TPD52L2: variants seen among roughly 807,000 people sequenced by gnomAD.
TPD52L2 encodes TPD52 like 2.
A neutral mutation model predicts 24.7 loss-of-function variants in TPD52L2; 19 were observed. The ratio of observed to expected loss-of-function variants is 0.77; its 90% CI spans 0.54 to 1.13. The LOEUF is 1.13. TPD52L2 is among the 50% of genes most tolerant of loss of function. The probability of loss-of-function intolerance (pLI) is 0.00; values close to 1 mark genes in which losing one functional copy is unlikely to be tolerated. For synonymous variants in TPD52L2, 104 were observed against 100.2 expected (o/e 1.04, Z -0.23); for missense variants, 236 against 250.4 (o/e 0.94, Z 0.39).
Position 63,890,217 on chromosome 20 carries a change from T to G in TPD52L2, c.*272T>G. On this transcript the variant is annotated 3_prime_UTR_variant, in exon 7 of 7. Coordinates refer to ENST00000346249, the MANE Select transcript of TPD52L2 (RefSeq NM_003288.4). ...TGCAGGAAGTGGACAGGGCGGAGGG[T>G]TTGAAAGAATATTGAGCCAAAGCCC... 1.5e-6 allele frequency: 1 copy of G among 656,340 alleles called. No individual in the cohort carries two copies. The highest frequency in any genetic ancestry group is 2.4e-6 in the Non-Finnish European group (1 of 409,772). The allele number at this position is 656,340 out of a possible 1,614,324, so 40.7% of individuals were successfully genotyped here. A position where few individuals can be genotyped will look rare whatever the true frequency, so the allele number is the denominator to read the frequency against.
chr20:63,887,581 A>G (rs1363483324), intron 5 of TPD52L2: 1 of 1,613,378 alleles, frequency 6.2e-7, no homozygotes, highest in African/African-American at 1.3e-5. Flanking sequence ...TCCATCCGCC[A>G]CTCAATAAGT....
intron 5 of TPD52L2, chr20:63,886,116 T>C: frequency 3.3e-6 from 5 of 1,493,214 alleles, no homozygotes; most frequent in Non-Finnish European, 4.7e-6. Flanking sequence ...GGCAGGGCCC[T>C]TGGGCGGCTG....
chr20:63,887,652 TG>T (rs747592166), intron 5 of TPD52L2: 1 of 1,588,238 alleles, frequency 6.3e-7, no homozygotes, highest in South Asian at 1.1e-5. Flanking sequence ...GTGTCTCTGG[TG>T]GGGGTTGGGG....
chr20:63,865,635 G>C (rs918156359), intron 1 of TPD52L2, among the ~76,000 whole-genome samples: 2 of 152,208 alleles, frequency 1.3e-5, no homozygotes, highest in Non-Finnish European at 2.9e-5. Flanking sequence ...CCGTTCCGAG[G>C]TGTGGTTCCC....
chr20:63,872,566 CG>C (rs1470356411), intron 2 of TPD52L2, among the ~76,000 whole-genome samples: 10 of 150,560 alleles, frequency 6.6e-5, no homozygotes, highest in African/African-American at 2.2e-4. Flanking sequence ...TTAGTAGAGA[CG>C]GGGTTTTGTC....
At chr20:63,882,063 G>A (rs1235885553) in intron 4 of TPD52L2, among the ~76,000 whole-genome samples, 2 of 152,230 alleles carry the variant, frequency 1.3e-5, no homozygotes, top group African/African-American at 2.4e-5. Context: ...CCCTTGCACT[G>A]TGAAAAGAGG....
At chr20:63,886,511 GCCGCCA>G (rs2053118309) in intron 5 of TPD52L2, among the ~76,000 whole-genome samples, 1 of 151,822 alleles carries the variant, frequency 6.6e-6, no homozygotes, top group Non-Finnish European at 1.5e-5. Flanking sequence ...ACAGGCGCCC[GCCGCCA>G]CGCCCGGCTA....
chr20:63,878,665 G>T (rs548562295), intron 4 of TPD52L2, among the ~76,000 whole-genome samples: 85 of 152,322 alleles, frequency 5.6e-4, no homozygotes, highest in Non-Finnish European at 1.1e-3. Context: ...AGTGGGGGCA[G>T]CCCCCAGAGA....
At chr20:63,874,112 C>T (rs1485022199) in intron 3 of TPD52L2, among the ~76,000 whole-genome samples, 7 of 151,872 alleles carry the variant, frequency 4.6e-5, no homozygotes, top group Admixed American at 1.3e-4. Context: ...AGTGTAGTGG[C>T]GTGATCTTAG....
intron 4 of TPD52L2, among the ~76,000 whole-genome samples, chr20:63,878,597 C>T (rs6062564): frequency 0.039 from 5,976 of 152,220 alleles, 298 homozygotes; most frequent in East Asian, 0.2. Context: ...CTAATGGCTG[C>T]GGCCTTGGAG....
chr20:63,873,360 A>G (rs2052538399), intron 2 of TPD52L2, among the ~76,000 whole-genome samples: 1 of 151,946 alleles, frequency 6.6e-6, no homozygotes, highest in Non-Finnish European at 1.5e-5. Context: ...AGGGTGGCAC[A>G]CGCCTGTAAT....
At chr20:63,876,993 G>A (rs947118035) in intron 4 of TPD52L2, 3 of 453,102 alleles carry the variant, frequency 6.6e-6, no homozygotes, top group Admixed American at 2.4e-5. Context: ...GGACCCGGGT[G>A]GTTCATGGCA....
chr20:63,886,426 T>C (rs572273175), intron 5 of TPD52L2, among the ~76,000 whole-genome samples: 67 of 151,812 alleles, frequency 4.4e-4, no homozygotes, highest in Admixed American at 1.0e-3. Flanking sequence ...CGTGGCGCGA[T>C]CTCGGCTCAC....
intron 5 of TPD52L2, among the ~76,000 whole-genome samples, chr20:63,885,174 C>G (rs941830123): frequency 6.6e-6 from 1 of 152,244 alleles, no homozygotes; most frequent in Non-Finnish European, 1.5e-5. Flanking sequence ...AGCTGCCCAA[C>G]GCCCGTGTCC....
At chr20:63,887,901 C>T (rs190011010) in intron 5 of TPD52L2, 3 of 497,988 alleles carry the variant, frequency 6.0e-6, no homozygotes, top group East Asian at 7.4e-5. Context: ...GGGTGGGGTT[C>T]GAGGGGCTCG....
chr20:63,889,264 G>C, intron 6 of TPD52L2, 26 bp downstream of exon 6: 1 of 1,605,548 alleles, frequency 6.2e-7, no homozygotes, highest in Non-Finnish European at 8.5e-7. Flanking sequence ...CTGTTTGATG[G>C]TCTTGGCAAG....
At chr20:63,872,120 T>C (rs1247063747) in intron 2 of TPD52L2, among the ~76,000 whole-genome samples, 1 of 151,496 alleles carries the variant, frequency 6.6e-6, no homozygotes, top group Non-Finnish European at 1.5e-5. Flanking sequence ...TGCTCAGTTC[T>C]AACTACGTTA....
chr20:63,865,593 C>G (rs1484604740), intron 1 of TPD52L2, among the ~76,000 whole-genome samples: 1 of 152,232 alleles, frequency 6.6e-6, no homozygotes, highest in East Asian at 1.9e-4. Context: ...TTCCTGGGCT[C>G]TCTCCAGCCG....
intron 5 of TPD52L2, among the ~76,000 whole-genome samples, chr20:63,886,552 G>A (rs1460705300): frequency 4.6e-5 from 7 of 152,046 alleles, no homozygotes; most frequent in South Asian, 2.1e-4. Context: ...TAGTAGAGAC[G>A]GGGTTTCACC....
Sources: allele counts gnomAD v4.1 joint callset (sites outside exome capture counted in the v4.1 genomes callset), GRCh38; gene constraint gnomAD v4.1.1; transcripts MANE v1.5; gene names NCBI Gene and HGNC (gene_info 2026-07-23, HGNC 2026-07-21).